The following CACNG4 variants were observed in gnomAD, a reference collection of about 807,000 sequenced individuals.
CACNG4 encodes calcium voltage-gated channel auxiliary subunit gamma 4, also known as voltage-dependent calcium channel gamma-4 subunit.
A neutral mutation model predicts 22.9 loss-of-function variants in CACNG4; 8 were observed. The ratio of observed to expected loss-of-function variants is 0.35; its 90% CI spans 0.21 to 0.63. The LOEUF (loss-of-function observed/expected upper bound fraction) is 0.63, where lower values mean the gene tolerates loss of function less well. Ranked by LOEUF, CACNG4 falls within the 30% of genes least tolerant of loss-of-function variation. The probability of loss-of-function intolerance (pLI) is 0.72; values close to 1 mark genes in which losing one functional copy is unlikely to be tolerated. For missense variants in CACNG4, 357 were observed against 455.4 expected, an observed-to-expected ratio of 0.78 and a Z score of 1.97; for synonymous variants, 188 against 191.9, an observed-to-expected ratio of 0.98 and a Z score of 0.17.
chr17:66,997,928 G>A (rs571665390), intron 1 of CACNG4, among the ~76,000 whole-genome samples: 1 of 152,180 alleles, frequency 6.6e-6, no homozygotes, highest in African/African-American at 2.4e-5. Flanking sequence ...TGAGAAGGAA[G>A]GGAAGGAGGA....
intron 1 of CACNG4, among the ~76,000 whole-genome samples, chr17:66,966,593 C>T (rs905718475): frequency 5.9e-5 from 9 of 152,176 alleles, no homozygotes; most frequent in African/African-American, 2.2e-4. Flanking sequence ...TTAGTGAAGT[C>T]AACTTGGCCC....
intron 1 of CACNG4, among the ~76,000 whole-genome samples, chr17:66,996,075 G>A (rs1377196326): frequency 6.6e-6 from 1 of 152,116 alleles, no homozygotes; most frequent in Non-Finnish European, 1.5e-5. Flanking sequence ...ATCAAGCCAT[G>A]CTTCCAGGAG....
chr17:67,014,028 G>C (rs1040083089), intron 1 of CACNG4, among the ~76,000 whole-genome samples: 7 of 152,144 alleles, frequency 4.6e-5, no homozygotes, highest in Admixed American at 3.9e-4. Flanking sequence ...TAACTTGCCT[G>C]AGGCCGAGTG....
chr17:67,007,704 C>G (rs2035445858), intron 1 of CACNG4, among the ~76,000 whole-genome samples: 1 of 152,196 alleles, frequency 6.6e-6, no homozygotes, highest in Admixed American at 6.5e-5. Flanking sequence ...GAGACCATGT[C>G]TGTCCTGTTC....
intron 1 of CACNG4, among the ~76,000 whole-genome samples, chr17:67,016,550 G>T (rs1275729768): frequency 3.3e-5 from 5 of 152,206 alleles, no homozygotes; most frequent in African/African-American, 4.8e-5. Flanking sequence ...ATGAGAGGTG[G>T]ACGTGCACCC....
At chr17:66,979,536 T>C (rs550121501) in intron 1 of CACNG4, among the ~76,000 whole-genome samples, 1 of 152,206 alleles carries the variant, frequency 6.6e-6, no homozygotes, top group African/African-American at 2.4e-5. Context: ...GGAACAAATA[T>C]TGGAAGGAAA....
chr17:67,019,193 T>G (rs1812906427), intron 2 of CACNG4, among the ~76,000 whole-genome samples: 2 of 152,140 alleles, frequency 1.3e-5, no homozygotes, highest in South Asian at 4.1e-4. Flanking sequence ...CACCTGCTTA[T>G]GGATCGTTTT....
chr17:67,025,971 G>A (rs551414456), intron 3 of CACNG4, among the ~76,000 whole-genome samples: 3 of 152,366 alleles, frequency 2.0e-5, no homozygotes, highest in South Asian at 4.1e-4. Flanking sequence ...TGTGGAGTGC[G>A]TGCATCTGCG....
At position 66,996,536 on chromosome 17, in the gene CACNG4, C is replaced by T. The variant is rs376731767; in HGVS notation, c.221-21653C>T. ...CTGGAACTACAGGGGCACGCCATGA[C>T]GCTCAGCCAATTTTTGTATTTTTTG... is the stretch of plus-strand genomic sequence containing the variant. On this transcript the variant is annotated intron_variant, in intron 1 of 3. Transcript: ENST00000262138. 4.3e-4 allele frequency among the ~76,000 whole-genome samples: 66 copies of T among 152,106 alleles called. No individual in the cohort carries two copies. The East Asian group carries it at 4.6e-3, about 11-fold the overall frequency.
At chr17:66,965,872 C>G (rs2035167222) in intron 1 of CACNG4, among the ~76,000 whole-genome samples, 1 of 152,140 alleles carries the variant, frequency 6.6e-6, no homozygotes. Flanking sequence ...GGGAGCGACA[C>G]CGAGTCTCCC....
intron 2 of CACNG4, among the ~76,000 whole-genome samples, chr17:67,022,870 C>G (rs1476472288): frequency 6.6e-6 from 1 of 152,252 alleles, no homozygotes; most frequent in Non-Finnish European, 1.5e-5. Context: ...ACCCTAAGCC[C>G]CTACTGGGTG....
intron 3 of CACNG4, among the ~76,000 whole-genome samples, chr17:67,028,901 A>G (rs979795856): frequency 1.3e-4 from 20 of 152,264 alleles, no homozygotes; most frequent in African/African-American, 4.8e-4. Flanking sequence ...CAGAAGTCTG[A>G]TAATATTCAT....
At position 67,027,554 on chromosome 17, in the gene CACNG4, G is replaced by T. The variant is rs2035575444; in HGVS notation, c.445+2554G>T. Among the ~76,000 whole-genome samples, 1 of 152,212 alleles carries T rather than the reference G, an allele frequency of 6.6e-6. No individual in the cohort carries two copies. The highest frequency in any genetic ancestry group is 2.4e-5 in the African/African-American group (1 of 41,442). On this transcript the variant is annotated intron_variant, in intron 3 of 3. Transcript: ENST00000262138. The surrounding 1 kb of genome is among the most constrained non-coding windows in gnomAD (Gnocchi z 4.3). ...GAACTCGAGGTGGAAAATGGTAGGT[G>T]CCACAGGAGAGGGACAGTTTCCAAG...
intron 1 of CACNG4, among the ~76,000 whole-genome samples, chr17:66,967,046 C>T (rs2035175172): frequency 6.6e-6 from 1 of 152,240 alleles, no homozygotes; most frequent in African/African-American, 2.4e-5. Context: ...GACCCGAAGG[C>T]ATGTGTGGAC....
intron 1 of CACNG4, among the ~76,000 whole-genome samples, chr17:67,000,307 C>G (rs1007208055): frequency 2.0e-5 from 3 of 152,222 alleles, no homozygotes; most frequent in Admixed American, 1.3e-4. Flanking sequence ...TGCTCCGTCT[C>G]CCTCCCAGCC....
chr17:67,011,307 C>T (rs1297329599), intron 1 of CACNG4, among the ~76,000 whole-genome samples: 3 of 152,028 alleles, frequency 2.0e-5, no homozygotes, highest in Admixed American at 6.6e-5. Context: ...TCTGAAATCA[C>T]GTATGTGAGC....
chr17:67,012,379 C>T (rs2035473445), intron 1 of CACNG4, among the ~76,000 whole-genome samples: 1 of 152,164 alleles, frequency 6.6e-6, no homozygotes, highest in Non-Finnish European at 1.5e-5. Flanking sequence ...CACGCCCAGC[C>T]TTCATCATAG....
chr17:67,001,658 C>T (rs991376752), intron 1 of CACNG4, among the ~76,000 whole-genome samples: 1 of 152,208 alleles, frequency 6.6e-6, no homozygotes, highest in Non-Finnish European at 1.5e-5. Context: ...CACCCAGCAA[C>T]CTCTTAATGT....
chr17:66,977,726 C>T (rs1218735087), intron 1 of CACNG4, among the ~76,000 whole-genome samples: 4 of 152,232 alleles, frequency 2.6e-5, no homozygotes, highest in Non-Finnish European at 5.9e-5. Context: ...ACCACACGCA[C>T]CTGCAGGGCC....
Sources: allele counts gnomAD v4.1 joint callset (sites outside exome capture counted in the v4.1 genomes callset), GRCh38; gene constraint gnomAD v4.1.1; non-coding constraint Gnocchi (gnomAD v3.1); transcripts MANE v1.5; gene names NCBI Gene and HGNC (gene_info 2026-07-23, HGNC 2026-07-21).